Variants in MYO1H observed in about 807,000 individuals in gnomAD.
The protein encoded by MYO1H is myosin IH, also known as unconventional myosin-Ih.
In MYO1H, 118 loss-of-function variants were observed where a neutral mutation model predicts 149.3. That is an observed-to-expected ratio of 0.79 (90% CI 0.68 to 0.92). The LOEUF is 0.92. Ranked by LOEUF, MYO1H falls within the 40% of genes least tolerant of loss-of-function variation. MYO1H has a pLI of 0.00. For missense variants in MYO1H, 1,212 were observed against 1,280.7 expected (o/e 0.95, Z 0.82); for synonymous variants, 447 against 465.2 (o/e 0.96, Z 0.50).
intron 1 of MYO1H, among the ~76,000 whole-genome samples, chr12:109,376,461 A>C (rs1869089869): frequency 6.6e-6 from 1 of 152,218 alleles, no homozygotes; most frequent in Non-Finnish European, 1.5e-5. Flanking sequence ...TCTTTAATCC[A>C]CTGAAAATTA....
intron 1 of MYO1H, among the ~76,000 whole-genome samples, chr12:109,352,089 T>G (rs905147691): frequency 2.6e-5 from 4 of 152,178 alleles, no homozygotes; most frequent in Admixed American, 1.3e-4. Context: ...GTCCAGAAGA[T>G]GAAGCCTTTT....
intron 6 of MYO1H, 129 bp from the exon 7 acceptor site, chr12:109,403,853 T>A: frequency 1.7e-6 from 1 of 587,494 alleles, no homozygotes; most frequent in Non-Finnish European, 3.0e-6. Context: ...ACAATTAGAG[T>A]AAAACCTATT....
At chr12:109,321,259 T>C in the MYO1H span, among the ~76,000 whole-genome samples, 2 of 151,192 alleles carry the variant, frequency 1.3e-5, no homozygotes, top group East Asian at 4.0e-4. Flanking sequence ...AGAATACAAA[T>C]GGAAATACTG....
intron 27 of MYO1H, among the ~76,000 whole-genome samples, chr12:109,443,104 G>GTA (rs1491326989): frequency 1.4e-4 from 5 of 34,726 alleles, no homozygotes; most frequent in African/African-American, 4.1e-4. Context: ...ATATGTGTAC[G>GTA]TATATGTGTG....
intron 21 of MYO1H, 69 bp downstream of exon 21, chr12:109,435,182 C>G (rs1270297328): frequency 1.3e-5 from 14 of 1,046,772 alleles, no homozygotes; most frequent in South Asian, 8.9e-5. Flanking sequence ...GGGGGTAAAT[C>G]TTAAACACGG....
intron 31 of MYO1H, chr12:109,446,925 C>T (rs887928458): frequency 1.3e-5 from 8 of 594,306 alleles, no homozygotes; most frequent in East Asian, 5.5e-5. Flanking sequence ...CTGTGTCTCT[C>T]TCCTCTGGAG....
chr12:109,347,651 G>A (rs1439379275), upstream of MYO1H, among the ~76,000 whole-genome samples: 1 of 150,234 alleles, frequency 6.7e-6, no homozygotes, highest in Admixed American at 6.7e-5. Flanking sequence ...TATTTCAATA[G>A]TCAGTGACTG....
chr12:109,435,620 G>T (rs554102180), intron 21 of MYO1H, among the ~76,000 whole-genome samples: 7 of 152,168 alleles, frequency 4.6e-5, no homozygotes, highest in Non-Finnish European at 4.4e-5. Flanking sequence ...GTCATTTGAG[G>T]GCCTGCTGTG....
At chr12:109,413,510 AAG>A (rs1283462217) in intron 14 of MYO1H, among the ~76,000 whole-genome samples, 1 of 152,230 alleles carries the variant, frequency 6.6e-6, no homozygotes, top group African/African-American at 2.4e-5. Flanking sequence ...ATAGTGAATC[AAG>A]AATGGAAAAA....
At chr12:109,425,816 G>A in intron 17 of MYO1H, 130 bp from the exon 18 acceptor site, 4 of 701,324 alleles carry the variant, frequency 5.7e-6, no homozygotes, top group Non-Finnish European at 9.8e-6. Context: ...ATGGCCACTA[G>A]GAAGACAATC....
chr12:109,335,632 G>A, the MYO1H span, among the ~76,000 whole-genome samples: 12 of 151,762 alleles, frequency 7.9e-5, no homozygotes, highest in Non-Finnish European at 1.8e-4. Context: ...CCTGTGAATT[G>A]GAATTGCATT....
chr12:109,396,735 T>A (rs575537549), intron 4 of MYO1H, among the ~76,000 whole-genome samples, 153 bp downstream of exon 4: 1 of 150,794 alleles, frequency 6.6e-6, no homozygotes, highest in African/African-American at 2.4e-5. Context: ...GACCTGGAAC[T>A]AAGCCCATTT....
At chr12:109,380,186 C>A (rs998846525) in intron 1 of MYO1H, among the ~76,000 whole-genome samples, 1 of 152,120 alleles carries the variant, frequency 6.6e-6, no homozygotes, top group African/African-American at 2.4e-5. Flanking sequence ...ACAGCCACCG[C>A]ACCCAGGCCA....
At chr12:109,337,156 C>T in the MYO1H span, among the ~76,000 whole-genome samples, 7 of 152,310 alleles carry the variant, frequency 4.6e-5, no homozygotes, top group African/African-American at 1.2e-4. Context: ...TCCATTTTTG[C>T]TTCCAGGGGT....
intron 12 of MYO1H, 91 bp from the exon 13 acceptor site, chr12:109,410,597 G>GA (rs78125930): frequency 0.067 from 51,753 of 777,292 alleles, 2,137 homozygotes; most frequent in South Asian, 0.11. Context: ...ACTAGATTTT[G>GA]AAAAAAGATG....
intron 4 of MYO1H, among the ~76,000 whole-genome samples, chr12:109,397,513 G>A (rs1869965531): frequency 6.6e-6 from 1 of 152,148 alleles, no homozygotes. Flanking sequence ...ATTCTAGGAA[G>A]AAGATATTGT....
chr12:109,416,574 G>A (rs773556322), intron 15 of MYO1H, among the ~76,000 whole-genome samples: 3 of 152,050 alleles, frequency 2.0e-5, no homozygotes, highest in Non-Finnish European at 4.4e-5. Flanking sequence ...GTAGGCACTT[G>A]GGTTGTTTAT....
rs1871100263 is a variant in MYO1H at position 109,419,889 on chromosome 12, A to T, written c.1598-1092A>T. ...CCCCCAACTTAAAAAAAAAAAAAAA[A>T]ATCTGGTTTTGCCTTTATAATGCCA... On this transcript the variant is annotated intron_variant, in intron 15 of 31. Transcript: ENST00000310903. Among the ~76,000 whole-genome samples, 3 of 147,822 alleles carry T rather than the reference A, an allele frequency of 2.0e-5. No individual in the cohort carries two copies. The South Asian group carries it at 6.4e-4, about 31-fold the overall frequency.
At chr12:109,352,830 T>G (rs1868492922) in intron 1 of MYO1H, among the ~76,000 whole-genome samples, 5 of 152,140 alleles carry the variant, frequency 3.3e-5, no homozygotes, top group Admixed American at 3.3e-4. Flanking sequence ...TGTTCAGTGT[T>G]TTTTCTTTCG....
Sources: gnomAD v4.1 joint callset for allele counts (sites outside exome capture counted in the v4.1 genomes callset) on GRCh38, gnomAD v4.1.1 for gene constraint, MANE v1.5 for transcripts, NCBI Gene and HGNC (gene_info 2026-07-23, HGNC 2026-07-21) for gene names.